DOCK2: variants seen among roughly 807,000 people sequenced by gnomAD.
DOCK2 encodes the protein dedicator of cytokinesis protein 2.
In DOCK2, 87 loss-of-function variants were observed where a neutral mutation model predicts 248.9. The ratio of observed to expected loss-of-function variants is 0.35; its 90% confidence interval spans 0.29 to 0.42. DOCK2 has a LOEUF of 0.42. Among genes scored for constraint, DOCK2 ranks in the 10% least tolerant of loss-of-function variants. The probability of loss-of-function intolerance (pLI) is 1.00; values close to 1 mark genes in which losing one functional copy is unlikely to be tolerated. For missense variants in DOCK2, 1,747 were observed against 2,300.2 expected, an observed-to-expected ratio of 0.76 and a Z score of 4.92; for synonymous variants, 805 against 821.6, an observed-to-expected ratio of 0.98 and a Z score of 0.35.
rs531984920 is a variant in DOCK2, at chr5:169,812,255, C to T, written c.2703+9049C>T. ...ATTAAATTCTCATAGGAACGCGAAC[C>T]CTATTGTGAACTGCACATGAGAGGA... On this transcript the variant is annotated intron_variant, in intron 26 of 51. Transcript: ENST00000520908. Among the ~76,000 whole-genome samples the T allele has an allele frequency of 2.0e-5, 3 of 152,264 alleles. No individual in the cohort carries two copies. In the East Asian group the frequency reaches 5.8e-4, roughly 29 times the overall value.
At chr5:169,844,234 A>G (rs549753384) in intron 27 of DOCK2, among the ~76,000 whole-genome samples, 1 of 152,382 alleles carries the variant, frequency 6.6e-6, no homozygotes, top group African/African-American at 2.4e-5. Context: ...GACTTGGATG[A>G]GTCCAGCTTG....
intron 51 of DOCK2, among the ~76,000 whole-genome samples, chr5:170,082,496 A>C (rs1758068820): frequency 6.6e-6 from 1 of 152,140 alleles, no homozygotes; most frequent in South Asian, 2.1e-4. Flanking sequence ...TGAGTCAGGC[A>C]CCATGCTAAG....
chr5:170,047,461 G>A, intron 39 of DOCK2, 49 bp from the exon 40 acceptor site: 2 of 1,552,730 alleles, frequency 1.3e-6, no homozygotes, highest in Non-Finnish European at 1.8e-6. Context: ...AGTTGAATGT[G>A]CCTTTGATAC....
At chr5:170,017,688 C>T (rs1755582253) in intron 32 of DOCK2, among the ~76,000 whole-genome samples, 1 of 152,152 alleles carries the variant, frequency 6.6e-6, no homozygotes, top group East Asian at 1.9e-4. Flanking sequence ...TTCCAAGTTA[C>T]AGATGAGGAC....
At chr5:169,918,784 G>T in intron 27 of DOCK2, among the ~76,000 whole-genome samples, 1 of 152,086 alleles carries the variant, frequency 6.6e-6, no homozygotes, top group Non-Finnish European at 1.5e-5. Context: ...GTGGTGGCAG[G>T]TACCAGTAAT....
In DOCK2 at chr5:169,813,622, G is replaced by C. The variant is rs10155541; in HGVS notation, c.2703+10416G>C. ...ACCCTAAATCTGCCACCCTTTAAGG[G>C]TTCTCAAGGGACTTGGCAAAGCCAG... On this transcript the variant is annotated intron_variant, in intron 26 of 51. Transcript: ENST00000520908. Among the ~76,000 whole-genome samples, 861 of 152,298 alleles carry C rather than the reference G, an allele frequency of 5.7e-3. 10 individuals carry two copies. The highest frequency in any genetic ancestry group is 0.019 in the African/African-American group (801 of 41,558).
chr5:170,020,025 T>G (rs537951257), intron 33 of DOCK2, among the ~76,000 whole-genome samples: 1 of 152,286 alleles, frequency 6.6e-6, no homozygotes, highest in Non-Finnish European at 1.5e-5. Context: ...TTAAGATCCT[T>G]AGGGATGTTT....
At chr5:169,645,817 G>A (rs917290908) in intron 1 of DOCK2, among the ~76,000 whole-genome samples, 5 of 151,934 alleles carry the variant, frequency 3.3e-5, no homozygotes, top group South Asian at 2.1e-4. Context: ...GAGCAATCTC[G>A]GCTCACTGCA....
At chr5:169,778,643 A>G (rs1273436886) in intron 25 of DOCK2, among the ~76,000 whole-genome samples, 1 of 152,178 alleles carries the variant, frequency 6.6e-6, no homozygotes, top group Non-Finnish European at 1.5e-5. Flanking sequence ...GAGCTACACG[A>G]AGGATTGTAT....
At chr5:169,637,588 C>T (rs774722279) in intron 1 of DOCK2, among the ~76,000 whole-genome samples, 3 of 152,184 alleles carry the variant, frequency 2.0e-5, no homozygotes, top group South Asian at 2.1e-4. Context: ...CTCGCCCTCT[C>T]GCCTGCTGAG....
At chr5:170,057,127 C>T (rs1298900024) in intron 43 of DOCK2, 1 of 349,976 alleles carries the variant, frequency 2.9e-6, no homozygotes, top group Non-Finnish European at 5.3e-6. Context: ...TCATCACTGT[C>T]CCCTGAGTGC....
intron 22 of DOCK2, among the ~76,000 whole-genome samples, chr5:169,730,871 T>C (rs262873): frequency 0.32 from 48,612 of 151,810 alleles, 11,587 homozygotes; most frequent in African/African-American, 0.66. Flanking sequence ...TGATTATAGC[T>C]ACCACTCTCT....
In DOCK2 at chr5:169,709,492, C is replaced by T. The variant is rs764130682; in HGVS notation, c.1482+1225C>T. 2.2e-4 allele frequency among the ~76,000 whole-genome samples: 33 copies of T among 152,210 alleles called. 1 individual carries two copies. In the South Asian group the frequency reaches 2.7e-3, roughly 12 times the overall value. On this transcript the variant is annotated intron_variant, in intron 15 of 51. Coordinates refer to ENST00000520908, the MANE Select transcript of DOCK2 (RefSeq NM_004946.3). ...GAGGCAGGTGGATGACCTGAGGTCA[C>T]GAGCTCGAGACCAGCCTGGGCAACA...
At position 169,738,562 on chromosome 5, in the gene DOCK2, C is replaced by T. The variant is rs559547544; in HGVS notation, c.2268-8834C>T. Among the ~76,000 whole-genome samples the T allele has an allele frequency of 2.0e-5, 3 of 152,172 alleles. No homozygotes were observed. The South Asian group carries it at 6.2e-4, about 32-fold the overall frequency. On this transcript the variant is annotated intron_variant, in intron 22 of 51. Coordinates refer to ENST00000520908, the MANE Select transcript of DOCK2 (RefSeq NM_004946.3). ...AACTAGAGGGTGTTTTTTTATTGTC[C>T]AAAAACAGGCTTGGTTTTGGACAAT...
intron 22 of DOCK2, among the ~76,000 whole-genome samples, chr5:169,736,259 T>C (rs1581117184): frequency 6.6e-6 from 1 of 152,152 alleles, no homozygotes; most frequent in African/African-American, 2.4e-5. Context: ...CTTCCTGGGG[T>C]AAAGTGATGG....
At chr5:170,069,859 T>C (rs1161443920) in intron 46 of DOCK2, among the ~76,000 whole-genome samples, 1 of 152,032 alleles carries the variant, frequency 6.6e-6, no homozygotes, top group Non-Finnish European at 1.5e-5. Flanking sequence ...CTGTCTTTCC[T>C]CCTTTCTCTC....
chr5:169,728,347 A>G (rs577526124), intron 22 of DOCK2, among the ~76,000 whole-genome samples: 18 of 152,276 alleles, frequency 1.2e-4, no homozygotes, highest in African/African-American at 4.1e-4. Context: ...ATCCAAAGAG[A>G]TATTTGAAGC....
chr5:169,656,737 C>A (rs563492904), intron 2 of DOCK2, among the ~76,000 whole-genome samples: 1 of 152,292 alleles, frequency 6.6e-6, no homozygotes, highest in South Asian at 2.1e-4. Context: ...GAGTATTTTT[C>A]TCTTCGTTGT....
At chr5:170,033,436 C>G (rs138715413) in intron 34 of DOCK2, among the ~76,000 whole-genome samples, 1,720 of 152,138 alleles carry the variant, frequency 0.011, 27 homozygotes, top group African/African-American at 0.04. Context: ...TCCTATTTTC[C>G]CACCTAAAGC....
Sources: allele counts gnomAD v4.1 joint callset (sites outside exome capture counted in the v4.1 genomes callset), GRCh38; gene constraint gnomAD v4.1.1; transcripts MANE v1.5; gene names NCBI Gene and HGNC (gene_info 2026-07-23, HGNC 2026-07-21).